The following GPC6 variants were observed in gnomAD, a reference collection of about 807,000 sequenced individuals.
GPC6 encodes the protein glypican 6.
Under a neutral mutation model 55.2 loss-of-function variants are expected in GPC6, and 14 were observed. The ratio of observed to expected loss-of-function variants is 0.25; its 90% CI spans 0.17 to 0.40. The LOEUF (loss-of-function observed/expected upper bound fraction) is 0.40. Ranked by LOEUF, GPC6 falls within the 10% of genes least tolerant of loss-of-function variation. The pLI is 1.00. For missense variants in GPC6, 641 were observed against 708.5 expected (o/e 0.90, Z 1.08); for synonymous variants, 278 against 259.6 (o/e 1.07, Z -0.68).
chr13:93,488,821 G>GT (rs1206751227), intron 1 of GPC6, among the ~76,000 whole-genome samples: 7 of 152,054 alleles, frequency 4.6e-5, no homozygotes, highest in African/African-American at 1.4e-4. Flanking sequence ...GGGGTTGTTT[G>GT]TTTTTTTCTT....
chr13:93,554,402 A>G (rs1203738762), intron 2 of GPC6, among the ~76,000 whole-genome samples: 1 of 152,186 alleles, frequency 6.6e-6, no homozygotes, highest in East Asian at 1.9e-4. Flanking sequence ...TGCGCTGGAA[A>G]TGACATCTCT....
chr13:93,238,481 A>G (rs1594045958), intron 1 of GPC6, among the ~76,000 whole-genome samples: 1 of 141,960 alleles, frequency 7.0e-6, no homozygotes, highest in East Asian at 2.1e-4. Context: ...CTTTTGGAGG[A>G]GTCTTTAGGG....
Position 93,552,252 on chromosome 13 carries a change from C to G in GPC6, c.319+6831C>G, listed in dbSNP as rs139785359. ...CCAATTTCCCAAAGGGCAGATCTTCCAAAAATAAAAATCGTCCAATTAGAG... is the reference window on the plus strand; with the variant it reads ...CCAATTTCCCAAAGGGCAGATCTTCGAAAAATAAAAATCGTCCAATTAGAG... On this transcript the variant is annotated intron_variant, in intron 2 of 8. Transcript: ENST00000377047. Among the ~76,000 whole-genome samples, 180 of 152,266 alleles carry G rather than the reference C, an allele frequency of 1.2e-3. 4 individuals are homozygous for G. The East Asian group carries it at 0.028, about 24-fold the overall frequency.
At chr13:93,625,334 G>C (rs192481688) in intron 2 of GPC6, among the ~76,000 whole-genome samples, 5 of 152,152 alleles carry the variant, frequency 3.3e-5, no homozygotes, top group Non-Finnish European at 7.3e-5. Context: ...TAGCTTGAGA[G>C]TTATAAAAAA....
intron 6 of GPC6, among the ~76,000 whole-genome samples, chr13:94,371,320 C>A (rs921692503): frequency 3.3e-5 from 5 of 152,106 alleles, no homozygotes; most frequent in African/African-American, 4.8e-5. Context: ...CTCTTGCACA[C>A]CCCCAGAGAT....
At chr13:93,335,543 C>T (rs911293332) in intron 1 of GPC6, among the ~76,000 whole-genome samples, 1 of 152,150 alleles carries the variant, frequency 6.6e-6, no homozygotes. Context: ...AATCAATGCT[C>T]CTGCCCCCTA....
intron 4 of GPC6, among the ~76,000 whole-genome samples, chr13:94,161,109 G>C (rs1191035166): frequency 6.6e-6 from 1 of 152,160 alleles, no homozygotes; most frequent in African/African-American, 2.4e-5. Context: ...TTGCCTCAGT[G>C]AATCATATTT....
chr13:93,746,348 G>A (rs999329894), intron 2 of GPC6, among the ~76,000 whole-genome samples: 2 of 152,150 alleles, frequency 1.3e-5, no homozygotes, highest in African/African-American at 2.4e-5. Flanking sequence ...TATTCTGGAA[G>A]CTTATGTCGG....
intron 4 of GPC6, among the ~76,000 whole-genome samples, chr13:94,081,318 T>C (rs1885088218): frequency 6.6e-6 from 1 of 152,216 alleles, no homozygotes; most frequent in African/African-American, 2.4e-5. Context: ...CTAAACTATT[T>C]TTTTACCAAT....
chr13:93,589,854 G>T (rs978476641), intron 2 of GPC6, among the ~76,000 whole-genome samples: 1 of 152,178 alleles, frequency 6.6e-6, no homozygotes, highest in Non-Finnish European at 1.5e-5. Context: ...ATCATGTGGA[G>T]TAAGTTAGCC....
At chr13:93,479,878 G>T (rs940123724) in intron 1 of GPC6, among the ~76,000 whole-genome samples, 18 of 152,094 alleles carry the variant, frequency 1.2e-4, no homozygotes, top group African/African-American at 4.3e-4. Flanking sequence ...TGGAGAGTGA[G>T]ACAGAAACAG....
intron 1 of GPC6, among the ~76,000 whole-genome samples, chr13:93,431,807 A>G (rs1459689718): frequency 6.6e-6 from 1 of 152,184 alleles, no homozygotes; most frequent in African/African-American, 2.4e-5. Flanking sequence ...ATTTTATTAA[A>G]CTATTTATCC....
chr13:93,611,565 A>G (rs1878462123), intron 2 of GPC6, among the ~76,000 whole-genome samples: 1 of 152,164 alleles, frequency 6.6e-6, no homozygotes, highest in South Asian at 2.1e-4. Context: ...TTTTATTAGC[A>G]AAATGTAGTC....
rs115462137 is a variant in GPC6, at chr13:93,700,344, A to G, written c.320-129810A>G. ...AGTCAAGGCAGAAGGACTTCAAAGC[A>G]GAGTCAGTGAAAACAGATATAAGGA... On this transcript the variant is annotated intron_variant, in intron 2 of 8. Transcript: ENST00000377047. Among the ~76,000 whole-genome samples, 648 of 152,194 alleles carry G rather than the reference A, an allele frequency of 4.3e-3. 3 individuals carry two copies. The highest frequency in any genetic ancestry group is 0.014 in the African/African-American group (594 of 41,554).
At chr13:94,297,851 T>A (rs1875426234) in intron 5 of GPC6, among the ~76,000 whole-genome samples, 1 of 152,020 alleles carries the variant, frequency 6.6e-6, no homozygotes. Context: ...CCAGAGAACT[T>A]GGCCTGAGGA....
intron 3 of GPC6, among the ~76,000 whole-genome samples, chr13:93,962,199 A>C (rs1265228449): frequency 1.3e-5 from 2 of 152,214 alleles, no homozygotes; most frequent in East Asian, 3.9e-4. Context: ...TTTCACCTAA[A>C]ATAGTAGCAG....
chr13:93,638,481 T>C lies in GPC6; in HGVS notation c.319+93060T>C, dbSNP rs539053344. On this transcript the variant is annotated intron_variant, in intron 2 of 8. Coordinates refer to ENST00000377047, the MANE Select transcript of GPC6 (RefSeq NM_005708.5). ...ATTTAGATTTTATTTTGAAAATGCA[T>C]TCCAAATACAAAAACTATTACAATG... Among the ~76,000 whole-genome samples, 3 of 152,258 alleles carry C rather than the reference T, an allele frequency of 2.0e-5. No homozygotes were observed. The South Asian group carries it at 6.2e-4, about 32-fold the overall frequency.
At chr13:94,372,943 A>G (rs966009254) in intron 6 of GPC6, among the ~76,000 whole-genome samples, 27 of 152,196 alleles carry the variant, frequency 1.8e-4, no homozygotes, top group Non-Finnish European at 2.1e-4. Flanking sequence ...GGCACCCCCC[A>G]GCAGGAGCAC....
At chr13:93,308,380 C>T (rs540223571) in intron 1 of GPC6, among the ~76,000 whole-genome samples, 43 of 152,318 alleles carry the variant, frequency 2.8e-4, no homozygotes, top group African/African-American at 9.4e-4. Flanking sequence ...TGGTGCATAG[C>T]AAGTCCTCTG....
Sources: allele counts gnomAD v4.1 joint callset (sites outside exome capture counted in the v4.1 genomes callset), GRCh38; gene constraint gnomAD v4.1.1; transcripts MANE v1.5; gene names NCBI Gene and HGNC (gene_info 2026-07-23, HGNC 2026-07-21).